Variants in IMMP2L observed in about 807,000 individuals in gnomAD.
The protein encoded by IMMP2L is mitochondrial inner membrane protease subunit 2.
In IMMP2L, 18 loss-of-function variants were observed where a neutral mutation model predicts 19.3. That is an observed-to-expected ratio of 0.93 (90% CI 0.64 to 1.38). IMMP2L has a LOEUF of 1.38. Ranked by LOEUF, IMMP2L falls within the 40% of genes most tolerant of loss-of-function variation. The pLI is 0.00. For missense variants in IMMP2L, 233 were observed against 218.2 expected, an observed-to-expected ratio of 1.07 and a Z score of -0.43; for synonymous variants, 76 against 73.0, an observed-to-expected ratio of 1.04 and a Z score of -0.21.
At chr7:110,796,038 T>C (rs533972510) in intron 5 of IMMP2L, among the ~76,000 whole-genome samples, 7 of 152,056 alleles carry the variant, frequency 4.6e-5, no homozygotes, top group Non-Finnish European at 1.0e-4. Context: ...TGATAGTGAG[T>C]GAGTTCTCAC....
intron 5 of IMMP2L, among the ~76,000 whole-genome samples, chr7:110,770,592 T>C (rs1798969228): frequency 6.6e-6 from 1 of 152,216 alleles, no homozygotes; most frequent in Admixed American, 6.5e-5. Context: ...CAGTTGATGT[T>C]CCTGAAGTTA....
At position 111,243,469 on chromosome 7, in the gene IMMP2L, T is replaced by C. The variant is rs1012202284; in HGVS notation, c.239+243769A>G. Among the ~76,000 whole-genome samples the C allele has an allele frequency of 1.7e-4, 26 of 152,014 alleles. No individual in the cohort carries two copies. In the South Asian group the frequency reaches 5.2e-3, roughly 30 times the overall value. ...TACATATATAATTTTAAAAGTTATA[T>C]GCTTATAGAAGTAAAGTGTTCAACT... On this transcript the variant is annotated intron_variant, in intron 3 of 5. Coordinates refer to ENST00000405709, the MANE Select transcript of IMMP2L (RefSeq NM_032549.4).
At chr7:111,008,708 G>C (rs763132096) in intron 3 of IMMP2L, among the ~76,000 whole-genome samples, 40 of 151,868 alleles carry the variant, frequency 2.6e-4, no homozygotes, top group Non-Finnish European at 5.9e-4. Flanking sequence ...ATTCACTGCT[G>C]TATCCTCAGT....
chr7:111,032,067 T>C (rs1482492964), intron 3 of IMMP2L, among the ~76,000 whole-genome samples: 2 of 151,290 alleles, frequency 1.3e-5, no homozygotes, highest in Non-Finnish European at 2.9e-5. Flanking sequence ...GCCACCCAAG[T>C]AGCTGGAACG....
In IMMP2L at chr7:110,720,798, C is replaced by G. The variant is rs115404896; in HGVS notation, c.409-57077G>C. Among the ~76,000 whole-genome samples the G allele has an allele frequency of 5.3e-3, 807 of 152,124 alleles. 10 individuals are homozygous for G. The highest frequency in any genetic ancestry group is 0.019 in the African/African-American group (770 of 41,498). ...CGGTTCTGCCTATGCTTTTAAAATA[C>G]CAAGGAAACACTTTGGGATTCTTGC... On this transcript the variant is annotated intron_variant, in intron 5 of 5. Transcript: ENST00000405709.
intron 3 of IMMP2L, among the ~76,000 whole-genome samples, chr7:111,081,067 G>A (rs1795848697): frequency 6.6e-6 from 1 of 152,190 alleles, no homozygotes; most frequent in Non-Finnish European, 1.5e-5. Context: ...AAGTATTTGT[G>A]TACTTTCACA....
chr7:110,961,243 C>G (rs554651382), intron 4 of IMMP2L, among the ~76,000 whole-genome samples: 3 of 151,764 alleles, frequency 2.0e-5, no homozygotes, highest in African/African-American at 4.8e-5. Flanking sequence ...AAAATCCCCC[C>G]ACAGATACCA....
intron 3 of IMMP2L, among the ~76,000 whole-genome samples, chr7:111,026,013 AACACAC>A (rs144001447): frequency 6.7e-6 from 1 of 148,518 alleles, no homozygotes; most frequent in Non-Finnish European, 1.5e-5. Context: ...GCTAATATTA[AACACAC>A]ACACACACAC....
rs189560943 is a variant in IMMP2L at position 110,960,605 on chromosome 7, C to A, written c.305+2895G>T. On this transcript the variant is annotated intron_variant, in intron 4 of 5. Transcript: ENST00000405709. ...GATATTTGTGATATATATCAAATGG[C>A]TTTCTAAATGTACTGCTCTTCCCAG... is the stretch of plus-strand genomic sequence containing the variant. Among the ~76,000 whole-genome samples, 70 of 151,732 alleles carry A rather than the reference C, an allele frequency of 4.6e-4. 1 individual carries two copies. Among genetic ancestry groups the A allele is most frequent in the African/African-American group, 1.6e-3 (68 of 41,400 alleles).
chr7:110,713,593 T>A (rs1795038929), intron 5 of IMMP2L, among the ~76,000 whole-genome samples: 1 of 152,032 alleles, frequency 6.6e-6, no homozygotes, highest in South Asian at 2.1e-4. Context: ...CTTTTAGCAG[T>A]GTTTTATAGT....
At chr7:111,267,328 T>C (rs1004200054) in intron 3 of IMMP2L, among the ~76,000 whole-genome samples, 22 of 152,096 alleles carry the variant, frequency 1.4e-4, no homozygotes, top group Non-Finnish European at 3.1e-4. Context: ...AATTGTAAAG[T>C]CCTTTGAAAA....
chr7:110,811,765 T>C (rs1584901985), intron 5 of IMMP2L, among the ~76,000 whole-genome samples: 1 of 151,972 alleles, frequency 6.6e-6, no homozygotes, highest in South Asian at 2.1e-4. Flanking sequence ...CTCGTACCCT[T>C]TCTGGAAACA....
At chr7:111,437,446 C>CA (rs1037728677) in intron 3 of IMMP2L, among the ~76,000 whole-genome samples, 3 of 151,386 alleles carry the variant, frequency 2.0e-5, no homozygotes, top group African/African-American at 7.3e-5. Context: ...AACTACATCT[C>CA]AAAAAAAATA....
chr7:110,732,147 A>C (rs958245368), intron 5 of IMMP2L, among the ~76,000 whole-genome samples: 1 of 152,148 alleles, frequency 6.6e-6, no homozygotes, highest in Non-Finnish European at 1.5e-5. Flanking sequence ...AGCATGAAGA[A>C]TTCAGTATCC....
chr7:111,157,217 A>G (rs1433076109), intron 3 of IMMP2L, among the ~76,000 whole-genome samples: 1 of 152,046 alleles, frequency 6.6e-6, no homozygotes, highest in Non-Finnish European at 1.5e-5. Flanking sequence ...CAGTACTCCC[A>G]CTGCTGGGTA....
At chr7:110,751,633 T>C (rs10275003) in intron 5 of IMMP2L, among the ~76,000 whole-genome samples, 15,640 of 152,054 alleles carry the variant, frequency 0.1, 1,780 homozygotes, top group African/African-American at 0.29. Flanking sequence ...GGTAGCTGCC[T>C]CACAGCTGTA....
chr7:111,126,513 A>T (rs1322325615), intron 3 of IMMP2L, among the ~76,000 whole-genome samples: 1 of 152,182 alleles, frequency 6.6e-6, no homozygotes, highest in African/African-American at 2.4e-5. Flanking sequence ...AACAATTAAG[A>T]ATTTAATTTT....
At chr7:111,124,795 G>A (rs2129590268) in intron 3 of IMMP2L, 1 of 1,613,484 alleles carries the variant, frequency 6.2e-7, no homozygotes, top group Non-Finnish European at 8.5e-7. Context: ...TGCATTAGGT[G>A]AGCTTTATCC....
At chr7:111,149,539 A>G (rs2129601978) in intron 3 of IMMP2L, among the ~76,000 whole-genome samples, 2 of 152,298 alleles carry the variant, frequency 1.3e-5, no homozygotes, top group South Asian at 4.1e-4. Context: ...ACTAGTACTT[A>G]CATATATTTT....
Sources: allele counts gnomAD v4.1 joint callset (sites outside exome capture counted in the v4.1 genomes callset), GRCh38; gene constraint gnomAD v4.1.1; transcripts MANE v1.5; gene names NCBI Gene and HGNC (gene_info 2026-07-23, HGNC 2026-07-21).